DACH2: variants seen among roughly 807,000 people sequenced by gnomAD.
The protein encoded by DACH2 is dachshund homolog 2.
DACH2 carries 17 observed loss-of-function variants against 35.8 expected under a neutral mutation model. That is an observed-to-expected ratio of 0.48 (90% CI 0.33 to 0.71). The LOEUF is 0.71. Ranked by LOEUF, DACH2 falls within the 30% of genes least tolerant of loss-of-function variation. The probability of loss-of-function intolerance (pLI) is 0.02; values close to 1 mark genes in which losing one functional copy is unlikely to be tolerated. For synonymous variants in DACH2, 195 were observed against 177.3 expected, an observed-to-expected ratio of 1.10 and a Z score of -0.79; for missense variants, 469 against 472.7, an observed-to-expected ratio of 0.99 and a Z score of 0.07.
At chrX:86,480,154 A>T (rs2037916500) in intron 2 of DACH2, among the ~76,000 whole-genome samples, 1 of 112,273 alleles carries the variant, frequency 8.9e-6, no homozygotes, top group African/African-American at 3.2e-5. Context: ...GAACCTGGGC[A>T]TTGTGATTAA....
intron 1 of DACH2, among the ~76,000 whole-genome samples, chrX:86,220,495 T>C (rs1162623705): frequency 8.9e-6 from 1 of 112,020 alleles, no homozygotes; most frequent in African/African-American, 3.2e-5. Context: ...GATTGGCTTG[T>C]TTTACTTAGC....
chrX:86,460,338 G>A lies in DACH2; in HGVS notation c.528-53941G>A, dbSNP rs920889503. ...TGTGTAAACAAATTATGCATGTTAT[G>A]TTTAGAATATGTTTTCTCTGAACAT... is the stretch of plus-strand genomic sequence containing the variant. On this transcript the variant is annotated intron_variant, in intron 2 of 11. Transcript: ENST00000373125. Among the ~76,000 whole-genome samples the A allele has an allele frequency of 3.6e-5, 4 of 110,710 alleles. No homozygotes were observed. The East Asian group carries it at 1.1e-3, about 31-fold the overall frequency.
chrX:86,331,203 A>G (rs1383814029), intron 1 of DACH2, among the ~76,000 whole-genome samples: 1 of 111,127 alleles, frequency 9.0e-6, no homozygotes, highest in Non-Finnish European at 1.9e-5. Flanking sequence ...GCAAAACATC[A>G]TTGGATGAAA....
intron 2 of DACH2, among the ~76,000 whole-genome samples, chrX:86,493,122 GTTTTGTTT>G (rs1360102824): frequency 1.8e-5 from 2 of 111,151 alleles, no homozygotes; most frequent in South Asian, 3.8e-4. Flanking sequence ...TCAGTTTCTT[GTTTTGTTT>G]TTTTGTTTTT....
chrX:86,667,533 G>GAAA lies in DACH2; in HGVS notation c.772+16367_772+16369dup. Among the ~76,000 whole-genome samples, 2 of 60,276 alleles carry GAAA rather than the reference G, an allele frequency of 3.3e-5. 1 individual carries two copies. Among genetic ancestry groups the GAAA allele is most frequent in the South Asian group, 1.6e-3 (2 of 1,223 alleles). The allele number at this position is 60,276 out of a possible 115,157, so 52.3% of individuals were successfully genotyped here. On this transcript the variant is annotated intron_variant, in intron 4 of 11. Transcript: ENST00000373125. ...AGAAAGAAAGAAAGAAAGAAAGAAA[G>GAAA]AAAGAAAGAAAGAAGAAAGAAAGAA...
chrX:86,659,084 A>G (rs1343930873), intron 4 of DACH2, among the ~76,000 whole-genome samples: 3 of 111,123 alleles, frequency 2.7e-5, no homozygotes, highest in African/African-American at 6.5e-5. Flanking sequence ...TCTTTATGTT[A>G]TCCAAACATC....
chrX:86,532,507 T>C (rs2038737038), intron 3 of DACH2, among the ~76,000 whole-genome samples: 1 of 110,151 alleles, frequency 9.1e-6, no homozygotes, highest in Non-Finnish European at 1.9e-5. Context: ...TCTCTCTCTT[T>C]CTCTCTATTT....
intron 7 of DACH2, among the ~76,000 whole-genome samples, chrX:86,806,941 C>T (rs781276415): frequency 9.0e-6 from 1 of 111,563 alleles, no homozygotes; most frequent in Admixed American, 9.5e-5. Context: ...GCTTTCTTTC[C>T]TATGCTTTGT....
intron 7 of DACH2, among the ~76,000 whole-genome samples, chrX:86,756,041 G>A (rs1318150096): frequency 9.0e-6 from 1 of 111,132 alleles, no homozygotes; most frequent in Non-Finnish European, 1.9e-5. Context: ...AAATCAGTTG[G>A]CTATAAATGG....
intron 4 of DACH2, among the ~76,000 whole-genome samples, chrX:86,662,810 T>C (rs564102285): frequency 3.6e-5 from 4 of 111,642 alleles, no homozygotes; most frequent in African/African-American, 9.7e-5. Context: ...TGGAGAATTA[T>C]GCCTAAATCT....
intron 1 of DACH2, among the ~76,000 whole-genome samples, chrX:86,242,095 G>T (rs545172676): frequency 5.3e-5 from 6 of 112,843 alleles, no homozygotes; most frequent in Non-Finnish European, 1.9e-5. Flanking sequence ...CCCCAATGGG[G>T]CACTGCCTAG....
chrX:86,606,084 C>T lies in DACH2; in HGVS notation c.641-44952C>T, dbSNP rs1449311673. Among the ~76,000 whole-genome samples, 4 of 110,778 alleles carry T rather than the reference C, an allele frequency of 3.6e-5. No individual in the cohort carries two copies. The Admixed American group carries it at 3.9e-4, about 11-fold the overall frequency. On this transcript the variant is annotated intron_variant, in intron 3 of 11. Transcript: ENST00000373125. Reference sequence around the variant, plus strand: ...TCTTGGCAATGGTTTGTTTTCCTTGCTTTACTGTGTGTCTTATAATGTTTT... The same window carrying T: ...TCTTGGCAATGGTTTGTTTTCCTTGTTTTACTGTGTGTCTTATAATGTTTT...
intron 1 of DACH2, among the ~76,000 whole-genome samples, chrX:86,216,244 A>C (rs1263590210): frequency 8.9e-6 from 1 of 111,814 alleles, no homozygotes; most frequent in African/African-American, 3.3e-5. Context: ...GTTCTAGGGT[A>C]CATGTGCACA....
Position 86,284,079 on chromosome X carries a change from A to G in DACH2, c.489-92745A>G, listed in dbSNP as rs193014952. Among the ~76,000 whole-genome samples the G allele has an allele frequency of 6.9e-4, 77 of 111,092 alleles. 1 individual carries two copies. The highest frequency in any genetic ancestry group is 5.7e-3 in the East Asian group (20 of 3,524). ...TTTGACTTCTTCCTTTCTAATTTGG[A>G]TGCCCTTTATATCTTTCTCTTGTCT... On this transcript the variant is annotated intron_variant, in intron 1 of 11. Coordinates refer to ENST00000373125, the MANE Select transcript of DACH2 (RefSeq NM_053281.3).
chrX:86,816,152 G>C, intron 11 of DACH2, 53 bp downstream of exon 11: 1 of 851,443 alleles, frequency 1.2e-6, no homozygotes. Flanking sequence ...TGACCCCTGG[G>C]GATGAGGTGG....
At chrX:86,827,739 C>G in intron 11 of DACH2, 1 of 1,159,397 alleles carries the variant, frequency 8.6e-7, no homozygotes, top group South Asian at 1.9e-5. Context: ...GAAATTTTGA[C>G]CAGGTCTTAT....
intron 1 of DACH2, among the ~76,000 whole-genome samples, chrX:86,150,915 C>G (rs995934083): frequency 2.0e-4 from 22 of 111,257 alleles, no homozygotes; most frequent in Non-Finnish European, 4.0e-4. Context: ...ATCTCTCCAT[C>G]CCTGTTCTTT....
chrX:86,785,147 A>AAAG (rs1357079842), intron 7 of DACH2, among the ~76,000 whole-genome samples: 2 of 111,721 alleles, frequency 1.8e-5, no homozygotes, highest in Non-Finnish European at 3.8e-5. Context: ...TTTCAAAAAC[A>AAAG]AAGAAATAAA....
intron 1 of DACH2, among the ~76,000 whole-genome samples, chrX:86,359,765 C>T (rs868227459): frequency 9.2e-6 from 1 of 108,918 alleles, no homozygotes; most frequent in Non-Finnish European, 1.9e-5. Context: ...AAAACAAAAA[C>T]AAAAAAAGAA....
Sources: gnomAD v4.1 joint callset for allele counts (sites outside exome capture counted in the v4.1 genomes callset) on GRCh38, gnomAD v4.1.1 for gene constraint, MANE v1.5 for transcripts, NCBI Gene and HGNC (gene_info 2026-07-23, HGNC 2026-07-21) for gene names.